MGAM2: variants seen among roughly 807,000 people sequenced by gnomAD.
MGAM2 encodes the protein probable maltase-glucoamylase 2.
In MGAM2, 98 loss-of-function variants were observed where a neutral mutation model predicts 96.1. That is an observed-to-expected ratio of 1.02 (90% CI 0.87 to 1.21). The LOEUF is 1.21. MGAM2 is among the 50% of genes most tolerant of loss of function. MGAM2 has a pLI of 0.00. For synonymous variants in MGAM2, 749 were observed against 414.8 expected (o/e 1.81, Z -9.79); for missense variants, 2,055 against 1,182.4 (o/e 1.74, Z -10.82).
At chr7:142,145,485 T>A (rs1795356583) in intron 14 of MGAM2, among the ~76,000 whole-genome samples, 1 of 152,132 alleles carries the variant, frequency 6.6e-6, no homozygotes, top group Non-Finnish European at 1.5e-5. Flanking sequence ...CATTTATAGG[T>A]CCCATTTCTA....
In MGAM2 at chr7:142,148,567, A is replaced by G. The variant is rs1252642738; in HGVS notation, c.1634+994A>G. On this transcript the variant is annotated intron_variant, in intron 15 of 47. Coordinates refer to ENST00000477922, the MANE Select transcript of MGAM2 (RefSeq NM_001293626.2). This position sits in a 1 kb window ranked among gnomAD's most constrained non-coding sequence, Gnocchi z 4.2. ...TGTTTACTTGTGACTTAGTAAATTG[A>G]GAAATAACTCCTCTTCTCACTGTGT... Among the ~76,000 whole-genome samples, 2 of 152,226 alleles carry G rather than the reference A, an allele frequency of 1.3e-5. No individual in the cohort carries two copies. The highest frequency in any genetic ancestry group is 4.8e-5 in the African/African-American group (2 of 41,472).
intron 3 of MGAM2, among the ~76,000 whole-genome samples, chr7:142,120,672 T>C (rs1794543026): frequency 1.3e-5 from 2 of 152,156 alleles, no homozygotes; most frequent in South Asian, 4.1e-4. Context: ...ATTCCAAGGA[T>C]AGTGGTAGAA....
At chr7:142,159,142 G>A (rs1377889346) in intron 19 of MGAM2, 145 bp from the exon 20 acceptor site, 7 of 591,334 alleles carry the variant, frequency 1.2e-5, no homozygotes, top group Admixed American at 5.3e-5. Flanking sequence ...CAACCTTTAT[G>A]TGTCTGTGTT....
intron 3 of MGAM2, among the ~76,000 whole-genome samples, chr7:142,121,118 C>T (rs1218939654): frequency 6.6e-6 from 1 of 152,100 alleles, no homozygotes; most frequent in Admixed American, 6.5e-5. Context: ...TTTGAATCTT[C>T]TTGTTATAAA....
At position 142,167,412 on chromosome 7, in the gene MGAM2, G is replaced by T. The variant is rs1796060947; in HGVS notation, c.2953G>T (p.Asp985Tyr). 1.4e-6 allele frequency: 1 copy of T among 702,956 alleles called. No homozygotes were observed. Among genetic ancestry groups the T allele is most frequent in the Admixed American group, 2.0e-5 (1 of 50,008 alleles). The allele number at this position is 702,956 out of a possible 1,614,324, so 43.5% of individuals were successfully genotyped here. A position where few individuals can be genotyped will look rare whatever the true frequency, so the allele number is the denominator to read the frequency against. ...TGAGTCAGCTGCTGCTGCCGCCTCTGATTCTCTCTCTGCAAAGATCAGCTT... is the reference window on the plus strand; with the variant it reads ...TGAGTCAGCTGCTGCTGCCGCCTCTTATTCTCTCTCTGCAAAGATCAGCTT... ...APESAAAAAS[D>Y]SLSAKISFLH... Residue 985 changes from aspartate to tyrosine, a missense_variant, in exon 26 of 48, where the codon GAT becomes TAT. Physicochemically the swap from Asp to Tyr is radical, Grantham distance 160. Coordinates refer to ENST00000477922, the MANE Select transcript of MGAM2 (RefSeq NM_001293626.2).
In MGAM2 at chr7:142,217,852, G is replaced by A. The variant is rs191819586; in HGVS notation, c.5188-509G>A. 1.3e-3 allele frequency among the ~76,000 whole-genome samples: 192 copies of A among 152,290 alleles called. 1 individual carries two copies. The highest frequency in any genetic ancestry group is 4.2e-3 in the African/African-American group (173 of 41,554). On this transcript the variant is annotated intron_variant, in intron 46 of 47. Transcript: ENST00000477922. ...TGTAATCCCATCACTTTGGGAGGCCGAGGCAGGAGGATCACGTGGTCAGGG... is the reference window on the plus strand; with the variant it reads ...TGTAATCCCATCACTTTGGGAGGCCAAGGCAGGAGGATCACGTGGTCAGGG...
At position 142,207,675 on chromosome 7, in the gene MGAM2, C is replaced by T. The variant is rs187713590; in HGVS notation, c.5138-898C>T. On this transcript the variant is annotated intron_variant, in intron 45 of 47. Transcript: ENST00000477922. Reference sequence around the variant, plus strand: ...CGAGCTCCTGACCTCGTGATGCGCCCGCCTCGGCCTCCCAAAATGCTGGGA... The same window carrying T: ...CGAGCTCCTGACCTCGTGATGCGCCTGCCTCGGCCTCCCAAAATGCTGGGA... Among the ~76,000 whole-genome samples the T allele has an allele frequency of 6.6e-5, 10 of 152,128 alleles. No homozygotes were observed. The East Asian group carries it at 9.7e-4, about 15-fold the overall frequency.
chr7:142,142,827 C>T (rs574967085), intron 12 of MGAM2, among the ~76,000 whole-genome samples: 63 of 152,184 alleles, frequency 4.1e-4, no homozygotes, highest in African/African-American at 1.4e-3. Flanking sequence ...GGATTACAGG[C>T]GTGAGCCACC....
chr7:142,214,993 C>T (rs1797710901), intron 46 of MGAM2, among the ~76,000 whole-genome samples: 1 of 152,182 alleles, frequency 6.6e-6, no homozygotes, highest in Non-Finnish European at 1.5e-5. Flanking sequence ...TATAAAGAAA[C>T]AGGCACAAGT....
intron 14 of MGAM2, among the ~76,000 whole-genome samples, chr7:142,146,372 T>C (rs1795387390): frequency 6.6e-6 from 1 of 152,156 alleles, no homozygotes; most frequent in Non-Finnish European, 1.5e-5. Flanking sequence ...GTGAATCTCA[T>C]GCCACACACC....
chr7:142,182,432 G>A (rs1796572248), intron 32 of MGAM2, among the ~76,000 whole-genome samples: 1 of 152,182 alleles, frequency 6.6e-6, no homozygotes, highest in Non-Finnish European at 1.5e-5. Context: ...CAACGCTGCT[G>A]TCTCCCAGCT....
chr7:142,198,500 G>C, intron 43 of MGAM2, 115 bp from the exon 44 acceptor site: 1 of 602,462 alleles, frequency 1.7e-6, no homozygotes, highest in Non-Finnish European at 3.0e-6. Context: ...TAGGTTTGCA[G>C]TCTTTTGCTG....
At chr7:142,215,922 T>C (rs1797747906) in intron 46 of MGAM2, among the ~76,000 whole-genome samples, 1 of 152,168 alleles carries the variant, frequency 6.6e-6, no homozygotes, top group Non-Finnish European at 1.5e-5. Context: ...TTCAATTACA[T>C]ATATAGTTTC....
At chr7:142,173,469 A>T (rs906067664) in intron 31 of MGAM2, 115 bp downstream of exon 31, 2 of 596,706 alleles carry the variant, frequency 3.4e-6, no homozygotes, top group South Asian at 2.1e-5. Context: ...TTCAGGCTGA[A>T]TTTTTTTTCT....
chr7:142,121,074 G>A (rs1794555545), intron 3 of MGAM2, among the ~76,000 whole-genome samples: 2 of 152,076 alleles, frequency 1.3e-5, no homozygotes, highest in African/African-American at 4.8e-5. Flanking sequence ...TGAATTTTAG[G>A]TTAAAGTTTA....
At chr7:142,212,986 C>A (rs1797637611) in intron 46 of MGAM2, among the ~76,000 whole-genome samples, 2 of 152,194 alleles carry the variant, frequency 1.3e-5, no homozygotes, top group Non-Finnish European at 2.9e-5. Context: ...CAAAGAGTCT[C>A]TCAGACCGCA....
intron 12 of MGAM2, among the ~76,000 whole-genome samples, chr7:142,143,184 A>G (rs1563257627): frequency 6.6e-6 from 1 of 152,206 alleles, no homozygotes; most frequent in Non-Finnish European, 1.5e-5. Flanking sequence ...GTATCCTTTT[A>G]ATTAAGAATT....
At chr7:142,115,817 C>G (rs1460352935) in intron 1 of MGAM2, among the ~76,000 whole-genome samples, 2 of 152,088 alleles carry the variant, frequency 1.3e-5, no homozygotes, top group Non-Finnish European at 2.9e-5. Flanking sequence ...TGCACTCCAG[C>G]TGGGCAACAA....
intron 15 of MGAM2, among the ~76,000 whole-genome samples, chr7:142,151,133 G>A (rs778527519): frequency 2.0e-5 from 3 of 152,108 alleles, no homozygotes; most frequent in Non-Finnish European, 4.4e-5. Flanking sequence ...TAAGCTTTTT[G>A]AGGGCAAAGT....
Sources: allele counts gnomAD v4.1 joint callset (sites outside exome capture counted in the v4.1 genomes callset), GRCh38; gene constraint gnomAD v4.1.1; non-coding constraint Gnocchi (gnomAD v3.1); transcripts MANE v1.5; gene names NCBI Gene and HGNC (gene_info 2026-07-23, HGNC 2026-07-21).